The following FGD6 variants were observed in gnomAD, a reference collection of about 807,000 sequenced individuals.
FGD6 encodes the protein FYVE, RhoGEF and PH domain-containing protein 6.
FGD6 carries 90 observed loss-of-function variants against 149.4 expected under a neutral mutation model. The observed-to-expected ratio is 0.60, with a 90% confidence interval of 0.51 to 0.72. The LOEUF is 0.72. FGD6 is among the 30% of genes least tolerant of loss of function. The pLI is 0.00. For missense variants in FGD6, 1,437 were observed against 1,684.8 expected (o/e 0.85, Z 2.57); for synonymous variants, 527 against 584.0 (o/e 0.90, Z 1.41).
chr12:95,184,124 C>T (rs73372389), intron 2 of FGD6, among the ~76,000 whole-genome samples: 1 of 152,036 alleles, frequency 6.6e-6, no homozygotes, highest in Non-Finnish European at 1.5e-5. Flanking sequence ...ATATACAGAC[C>T]CCACTATAAT....
chr12:95,142,576 C>T lies in FGD6; in HGVS notation c.2686-1037G>A, dbSNP rs75930973. On this transcript the variant is annotated intron_variant, in intron 5 of 20. Transcript: ENST00000343958. ...TATAGGCATGAGCCACCGTGCCTGG[C>T]AGGCACATGCTTGATAATCAGAATC... is the stretch of plus-strand genomic sequence containing the variant. Among the ~76,000 whole-genome samples, 661 of 152,344 alleles carry T rather than the reference C, an allele frequency of 4.3e-3. 7 individuals carry two copies. The highest frequency in any genetic ancestry group is 0.015 in the African/African-American group (625 of 41,588).
In FGD6 at chr12:95,217,336, C is replaced by T. The variant is rs1449349150; in HGVS notation, c.-96G>A. On this transcript the variant is annotated 5_prime_UTR_variant, in exon 1 of 21. Transcript: ENST00000343958. ...ACAGTTCGGGTAGGAGAGAAAAGCCCCCGCAGCGCCCACATTCCGTCCCGC... is the reference window on the plus strand; with the variant it reads ...ACAGTTCGGGTAGGAGAGAAAAGCCTCCGCAGCGCCCACATTCCGTCCCGC... The T allele has an allele frequency of 8.3e-6, 12 of 1,439,368 alleles. No homozygotes were observed. Among genetic ancestry groups the T allele is most frequent in the Middle Eastern group, 1.8e-4 (1 of 5,522 alleles). 89.2% of individuals were successfully genotyped at this position (1,439,368 alleles called of 1,614,324 possible). A position where few individuals can be genotyped will look rare whatever the true frequency, so the allele number is the denominator to read the frequency against.
At chr12:95,130,619 C>T (rs551212229) in intron 8 of FGD6, among the ~76,000 whole-genome samples, 2 of 152,274 alleles carry the variant, frequency 1.3e-5, no homozygotes, top group South Asian at 4.2e-4. Context: ...TGGCTCAGGC[C>T]TGTGATGCCA....
At chr12:95,196,892 G>C (rs1218821791) in intron 2 of FGD6, among the ~76,000 whole-genome samples, 13 of 151,954 alleles carry the variant, frequency 8.6e-5, no homozygotes. Flanking sequence ...TCCTGCTTTG[G>C]CCTCCCAAAG....
chr12:95,094,640 C>CTCT lies in FGD6; in HGVS notation c.3549_3551dup (p.Glu1184dup). 6.2e-7 allele frequency: 1 copy of CTCT among 1,613,494 alleles called. No individual in the cohort carries two copies. The highest frequency in any genetic ancestry group is 2.2e-5 in the East Asian group (1 of 44,848). On this transcript the variant is annotated inframe_insertion, in exon 15 of 21. Coordinates refer to ENST00000343958, the MANE Select transcript of FGD6 (RefSeq NM_018351.4). ...AGAAGGTGATTCTTTTCTTGGCATACTCTTCTATTGCCCTGGAAATCGCTT... is the reference window on the plus strand; with the variant it reads ...AGAAGGTGATTCTTTTCTTGGCATACTCTTCTTCTATTGCCCTGGAAATCGCTT...
rs1237204862 is a variant in FGD6, at chr12:95,079,654, AT to A, written c.*1865del. 6.6e-6 allele frequency: 1 copy of A among 152,190 alleles called. No homozygotes were observed. The highest frequency in any genetic ancestry group is 1.5e-5 in the Non-Finnish European group (1 of 68,034). The allele number at this position is 152,190 out of a possible 1,614,324, so 9.4% of individuals were successfully genotyped here. On this transcript the variant is annotated 3_prime_UTR_variant, in exon 21 of 21. Coordinates refer to ENST00000343958, the MANE Select transcript of FGD6 (RefSeq NM_018351.4). ...TTATATAAAATTGAGCTACAAAGAA[AT>A]TTTAGTGTACCTGCTATGACAGAAA... is the stretch of plus-strand genomic sequence containing the variant.
chr12:95,198,377 G>C (rs748798838), intron 2 of FGD6, among the ~76,000 whole-genome samples: 2 of 152,164 alleles, frequency 1.3e-5, no homozygotes, highest in East Asian at 1.9e-4. Context: ...AATGGTACAC[G>C]CAAGAGCTCC....
chr12:95,187,214 C>T (rs1452050314), intron 2 of FGD6, among the ~76,000 whole-genome samples: 1 of 151,608 alleles, frequency 6.6e-6, no homozygotes, highest in African/African-American at 2.4e-5. Flanking sequence ...GCCTGTAGTC[C>T]CAACTACTCG....
intron 9 of FGD6, among the ~76,000 whole-genome samples, chr12:95,112,816 C>T (rs1228210467): frequency 1.3e-5 from 2 of 152,074 alleles, no homozygotes; most frequent in African/African-American, 4.8e-5. Flanking sequence ...GGATTGTTTC[C>T]CTTAAGTACT....
At chr12:95,159,503 A>G (rs534650541) in intron 3 of FGD6, among the ~76,000 whole-genome samples, 34 of 152,350 alleles carry the variant, frequency 2.2e-4, no homozygotes, top group Middle Eastern at 6.8e-3. Context: ...AATATTCGCA[A>G]ATCATGATTC....
At chr12:95,134,596 T>C (rs1012860981) in intron 8 of FGD6, 143 bp downstream of exon 8, 29 of 730,058 alleles carry the variant, frequency 4.0e-5, no homozygotes, top group Non-Finnish European at 4.9e-6. Context: ...GTAAAGTATA[T>C]AAGCAATCTA....
chr12:95,201,579 G>A (rs2056662899), intron 2 of FGD6, among the ~76,000 whole-genome samples: 1 of 152,100 alleles, frequency 6.6e-6, no homozygotes, highest in African/African-American at 2.4e-5. Context: ...AAGGATGATT[G>A]TCTGATTACC....
At chr12:95,217,118 A>C (rs2056824512) in intron 1 of FGD6, 107 bp downstream of exon 1, 1 of 1,529,984 alleles carries the variant, frequency 6.5e-7, no homozygotes, top group African/African-American at 1.4e-5. Flanking sequence ...CGGCAAAGGT[A>C]CGGGGCACAC....
chr12:95,096,265 C>G (rs908462706), intron 14 of FGD6, among the ~76,000 whole-genome samples: 4 of 151,854 alleles, frequency 2.6e-5, no homozygotes, highest in African/African-American at 9.7e-5. Flanking sequence ...TTTAGAGAAC[C>G]CAGGTCAGAT....
At chr12:95,145,199 G>T (rs899218166) in intron 5 of FGD6, among the ~76,000 whole-genome samples, 1 of 151,532 alleles carries the variant, frequency 6.6e-6, no homozygotes, top group Non-Finnish European at 1.5e-5. Flanking sequence ...ATGTTGGCCA[G>T]ACTGGTTTTG....
chr12:95,119,245 C>T lies in FGD6; in HGVS notation c.3083-5544G>A, dbSNP rs1879114299. Among the ~76,000 whole-genome samples the T allele has an allele frequency of 4.0e-5, 6 of 151,832 alleles. No homozygotes were observed. In the South Asian group the frequency reaches 1.2e-3, roughly 32 times the overall value. On this transcript the variant is annotated intron_variant, in intron 8 of 20. Transcript: ENST00000343958. ...TCATGCATAAAATAACTAGGCTGAA[C>T]CAGAATGAAAACTGTAACGATTCTC... is the stretch of plus-strand genomic sequence containing the variant.
chr12:95,172,035 A>AGGGGG (rs776447160), intron 3 of FGD6, among the ~76,000 whole-genome samples: 2 of 35,828 alleles, frequency 5.6e-5, no homozygotes, highest in East Asian at 1.8e-3. Context: ...AACAATTCTA[A>AGGGGG]GGGGGGGGGG....
chr12:95,148,725 T>C (rs1363755539), intron 5 of FGD6, among the ~76,000 whole-genome samples: 1 of 87,546 alleles, frequency 1.1e-5, no homozygotes, highest in African/African-American at 5.1e-5. Context: ...ATATGTTATA[T>C]TACATATATT....
In FGD6 at chr12:95,149,992, TTACACACACACACA is replaced by T. The variant is rs1366173253; in HGVS notation, c.2685+2805_2685+2818del. Among the ~76,000 whole-genome samples the T allele has an allele frequency of 1.7e-3, 114 of 67,194 alleles. 1 individual carries two copies. The highest frequency in any genetic ancestry group is 7.0e-3 in the African/African-American group (109 of 15,518). 44.1% of individuals were successfully genotyped at this position (67,194 alleles called of 152,430 possible). A position where few individuals can be genotyped will look rare whatever the true frequency, so the allele number is the denominator to read the frequency against. ...TATAGTATACTATATATGCTATATA[TTACACACACACACA>T]CACACACACACACACACACACACAC... On this transcript the variant is annotated intron_variant, in intron 5 of 20. Coordinates refer to ENST00000343958, the MANE Select transcript of FGD6 (RefSeq NM_018351.4).
Sources: allele counts gnomAD v4.1 joint callset (sites outside exome capture counted in the v4.1 genomes callset), GRCh38; gene constraint gnomAD v4.1.1; transcripts MANE v1.5; gene names NCBI Gene and HGNC (gene_info 2026-07-23, HGNC 2026-07-21).